Variants in NAP1L4 observed in about 807,000 individuals in gnomAD.
The protein encoded by NAP1L4 is nucleosome assembly protein 1 like 4, also known as nucleosome assembly protein 1-like 4.
Under a neutral mutation model 58.2 loss-of-function variants are expected in NAP1L4, and 15 were observed. The ratio of observed to expected loss-of-function variants is 0.26; its 90% CI spans 0.17 to 0.40. The LOEUF is 0.40. Among genes scored for constraint, NAP1L4 ranks in the 10% least tolerant of loss-of-function variants. NAP1L4 has a pLI of 1.00. For synonymous variants in NAP1L4, 171 were observed against 155.6 expected (o/e 1.10, Z -0.74); for missense variants, 384 against 451.1 (o/e 0.85, Z 1.35).
intron 1 of NAP1L4, chr11:2,990,978 T>C (rs1848929019): frequency 2.6e-6 from 1 of 386,776 alleles, no homozygotes; most frequent in South Asian, 1.7e-5. Flanking sequence ...AAAAGTCTAT[T>C]TTCACCCCGT....
At chr11:2,978,016 G>C (rs1311803977) in intron 3 of NAP1L4, among the ~76,000 whole-genome samples, 1 of 152,072 alleles carries the variant, frequency 6.6e-6, no homozygotes, top group Non-Finnish European at 1.5e-5. Context: ...TAAGAAAAAA[G>C]ACTGGTCATT....
chr11:2,958,331 G>T, intron 10 of NAP1L4, 68 bp downstream of exon 10: 1 of 1,510,570 alleles, frequency 6.6e-7, no homozygotes, highest in Admixed American at 1.7e-5. Flanking sequence ...TGGGTGTTAG[G>T]AATCTATCAG....
chr11:2,957,681 T>C (rs964186669), intron 10 of NAP1L4, among the ~76,000 whole-genome samples: 3 of 152,182 alleles, frequency 2.0e-5, no homozygotes, highest in Admixed American at 2.0e-4. Flanking sequence ...TTAAAATCAA[T>C]TGGTCAACCT....
chr11:2,990,020 T>G (rs1446127232), intron 1 of NAP1L4: 4 of 152,234 alleles, frequency 2.6e-5, no homozygotes, highest in African/African-American at 7.2e-5. Context: ...GATTAAAATT[T>G]ATTTGCTACT....
At chr11:2,981,980 C>T (rs1848347108) in intron 1 of NAP1L4, among the ~76,000 whole-genome samples, 1 of 152,198 alleles carries the variant, frequency 6.6e-6, no homozygotes, top group Non-Finnish European at 1.5e-5. Flanking sequence ...GAGGTTAGTT[C>T]CCTTCTCACA....
intron 4 of NAP1L4, among the ~76,000 whole-genome samples, chr11:2,975,473 G>A (rs1026765388): frequency 1.3e-5 from 2 of 152,026 alleles, no homozygotes; most frequent in Non-Finnish European, 2.9e-5. Context: ...TAGCTCACCC[G>A]TTATCCCAGC....
At chr11:2,947,279 C>T (rs7114707) in intron 15 of NAP1L4, among the ~76,000 whole-genome samples, 12,845 of 152,150 alleles carry the variant, frequency 0.084, 1,787 homozygotes, top group African/African-American at 0.29. Context: ...TTTTCAACCA[C>T]GAGAATGTAG....
chr11:2,969,477 G>A (rs1440280356), intron 7 of NAP1L4, among the ~76,000 whole-genome samples: 1 of 152,012 alleles, frequency 6.6e-6, no homozygotes, highest in African/African-American at 2.4e-5. Flanking sequence ...ACAGAGATGG[G>A]CTCTGGAATC....
At chr11:2,957,271 A>G (rs1177676091) in intron 10 of NAP1L4, among the ~76,000 whole-genome samples, 3 of 152,254 alleles carry the variant, frequency 2.0e-5, no homozygotes, top group African/African-American at 7.2e-5. Context: ...AATCTTCCAA[A>G]AAAAGGAAAT....
intron 3 of NAP1L4, among the ~76,000 whole-genome samples, chr11:2,976,435 G>T (rs967532369): frequency 6.6e-6 from 1 of 152,168 alleles, no homozygotes; most frequent in Non-Finnish European, 1.5e-5. Context: ...CATCATTAAT[G>T]TAAGTTCACA....
chr11:2,979,978 T>C (rs980443886), intron 1 of NAP1L4, among the ~76,000 whole-genome samples: 3 of 152,190 alleles, frequency 2.0e-5, no homozygotes, highest in African/African-American at 7.2e-5. Flanking sequence ...TATTTTCTAA[T>C]TGCATTTGTT....
chr11:2,959,818 T>C lies in NAP1L4; in HGVS notation c.698A>G (p.Lys233Arg). ...KTYKMKSEPD[K>R]ADPFSFEGPE... ...ACCTTCAAAGGAAAAGGGATCAGCC[T>C]TATCTGGTTCTGATTTCATCTTGTA... Residue 233 changes from lysine (K) to arginine (R), a missense_variant, in exon 9 of 16, where the codon AAG becomes AGG. By Grantham distance (26) the Lys-to-Arg change is conservative (BLOSUM62 2). Transcript: ENST00000380542. The surrounding 1 kb of genome is among the most constrained non-coding windows in gnomAD (Gnocchi z 4.9). 6.2e-7 allele frequency: 1 copy of C among 1,614,248 alleles called. No homozygotes were observed. The highest frequency in any genetic ancestry group is 8.5e-7 in the Non-Finnish European group (1 of 1,180,040).
At chr11:2,960,777 C>T (rs1018852219) in intron 8 of NAP1L4, among the ~76,000 whole-genome samples, 3 of 152,136 alleles carry the variant, frequency 2.0e-5, no homozygotes, top group East Asian at 1.9e-4. Flanking sequence ...GAGAAAAATA[C>T]CTGGATGGAT....
chr11:2,968,996 T>G (rs144434788), intron 7 of NAP1L4, among the ~76,000 whole-genome samples: 59,254 of 127,302 alleles, frequency 0.47, 13,092 homozygotes, highest in African/African-American at 0.63. Flanking sequence ...TTGTTTTTTT[T>G]TTTTTTTTTT....
At chr11:2,964,773 A>G (rs1355718359) in intron 7 of NAP1L4, 22 bp from the exon 8 acceptor site, 2 of 1,579,612 alleles carry the variant, frequency 1.3e-6, no homozygotes, top group Admixed American at 1.7e-5. Flanking sequence ...GAGAAAAAAA[A>G]TTCCAACAGG....
At chr11:2,967,528 G>A (rs1025669121) in intron 7 of NAP1L4, among the ~76,000 whole-genome samples, 4 of 151,200 alleles carry the variant, frequency 2.6e-5, no homozygotes, top group African/African-American at 9.8e-5. Context: ...GGAGAATGGC[G>A]TGAACCCAGG....
At chr11:2,987,734 G>C (rs1467233138) in intron 1 of NAP1L4, among the ~76,000 whole-genome samples, 1 of 138,394 alleles carries the variant, frequency 7.2e-6, no homozygotes, top group Admixed American at 7.5e-5. Flanking sequence ...TCCAGCCTGG[G>C]CATCAGAGCG....
intron 4 of NAP1L4, among the ~76,000 whole-genome samples, chr11:2,972,458 T>C (rs760787648): frequency 2.0e-5 from 3 of 152,054 alleles, no homozygotes; most frequent in Non-Finnish European, 2.9e-5. Context: ...AAAACACAAA[T>C]TGTCAAACAT....
chr11:2,991,173 G>T (rs753395827), intron 1 of NAP1L4: 39 of 455,960 alleles, frequency 8.6e-5, no homozygotes, highest in Non-Finnish European at 1.6e-4. Context: ...ACACGTTAGG[G>T]TCTAAAGGTC....
Sources: allele counts gnomAD v4.1 joint callset (sites outside exome capture counted in the v4.1 genomes callset), GRCh38; gene constraint gnomAD v4.1.1; non-coding constraint Gnocchi (gnomAD v3.1); transcripts MANE v1.5; gene names NCBI Gene and HGNC (gene_info 2026-07-23, HGNC 2026-07-21).